Variants in GLIS3 observed in about 807,000 individuals in gnomAD.
GLIS3 encodes zinc finger protein GLIS3.
Under a neutral mutation model 78.6 loss-of-function variants are expected in GLIS3, and 53 were observed. The observed-to-expected ratio is 0.67, with a 90% CI of 0.54 to 0.85. The LOEUF (loss-of-function observed/expected upper bound fraction) is 0.85. Ranked by LOEUF, GLIS3 falls within the 40% of genes least tolerant of loss-of-function variation. The pLI is 0.00. For missense variants in GLIS3, 1,703 were observed against 1,231.1 expected (o/e 1.38, Z -5.74); for synonymous variants, 684 against 509.9 (o/e 1.34, Z -4.60).
intron 7 of GLIS3, among the ~76,000 whole-genome samples, chr9:3,884,374 G>C (rs1203734328): frequency 6.6e-6 from 1 of 152,196 alleles, no homozygotes; most frequent in African/African-American, 2.4e-5. Flanking sequence ...CAGAGGGAAA[G>C]GATGAAGACC....
At chr9:3,923,970 C>T (rs1168513974) in intron 6 of GLIS3, among the ~76,000 whole-genome samples, 2 of 152,208 alleles carry the variant, frequency 1.3e-5, no homozygotes. Context: ...ATACATTTTG[C>T]ATATAATTTC....
chr9:4,144,274 TG>T (rs1834038215), intron 2 of GLIS3, among the ~76,000 whole-genome samples: 1 of 152,198 alleles, frequency 6.6e-6, no homozygotes, highest in Non-Finnish European at 1.5e-5. Context: ...TCAACCGACT[TG>T]TTTTTTGACA....
At chr9:4,112,953 A>C (rs1448730946) in intron 4 of GLIS3, among the ~76,000 whole-genome samples, 2 of 152,046 alleles carry the variant, frequency 1.3e-5, no homozygotes, top group African/African-American at 4.8e-5. Flanking sequence ...TGTAACCACT[A>C]TCCTAAAATT....
chr9:3,835,271 A>T lies in GLIS3; in HGVS notation c.2474-5779T>A, dbSNP rs550240479. Among the ~76,000 whole-genome samples the T allele has an allele frequency of 1.8e-4, 27 of 152,326 alleles. No homozygotes were observed. The South Asian group carries it at 5.6e-3, about 32-fold the overall frequency. ...ACAGCCCCTTCCCTGCAGTAGGCTC[A>T]GACTGGACCATGATGACAACTCATA... On this transcript the variant is annotated intron_variant, in intron 9 of 10. Coordinates refer to ENST00000381971, the MANE Select transcript of GLIS3 (RefSeq NM_001042413.2).
chr9:4,219,259 G>T (rs732957), intron 2 of GLIS3, among the ~76,000 whole-genome samples: 11,218 of 152,134 alleles, frequency 0.074, 539 homozygotes, highest in East Asian at 0.22. Flanking sequence ...AAGTACATAG[G>T]CTAGAGACAC....
At chr9:3,990,716 T>C (rs1820163406) in intron 4 of GLIS3, among the ~76,000 whole-genome samples, 1 of 152,206 alleles carries the variant, frequency 6.6e-6, no homozygotes, top group Non-Finnish European at 1.5e-5. Flanking sequence ...AGGGTGTAAC[T>C]AACCTGAAAT....
At chr9:4,319,669 A>G (rs575914520) in intron 2 of GLIS3, among the ~76,000 whole-genome samples, 32 of 152,210 alleles carry the variant, frequency 2.1e-4, no homozygotes, top group Non-Finnish European at 3.7e-4. Flanking sequence ...AGCTAGGACT[A>G]TAGGTGTTTG....
intron 4 of GLIS3, among the ~76,000 whole-genome samples, chr9:3,950,726 C>A (rs982723121): frequency 1.3e-5 from 2 of 152,228 alleles, no homozygotes. Context: ...AGGACAGGAA[C>A]CAGGCTTGTC....
chr9:4,209,137 C>A (rs920345027), intron 2 of GLIS3, among the ~76,000 whole-genome samples: 2 of 152,114 alleles, frequency 1.3e-5, no homozygotes, highest in Admixed American at 1.3e-4. Context: ...TCAAAATGGA[C>A]GCTCATGCAC....
At chr9:4,162,165 T>G (rs1835531727) in intron 2 of GLIS3, among the ~76,000 whole-genome samples, 1 of 152,196 alleles carries the variant, frequency 6.6e-6, no homozygotes, top group South Asian at 2.1e-4. Context: ...GTGCTCTCCC[T>G]GTATGTCTTC....
chr9:4,271,901 C>T (rs141767676), intron 2 of GLIS3, among the ~76,000 whole-genome samples: 1 of 152,272 alleles, frequency 6.6e-6, no homozygotes, highest in African/African-American at 2.4e-5. Context: ...CACATATTGG[C>T]CATGTGACCG....
At chr9:4,099,509 A>C (rs1231084694) in intron 4 of GLIS3, among the ~76,000 whole-genome samples, 1 of 152,152 alleles carries the variant, frequency 6.6e-6, no homozygotes, top group East Asian at 1.9e-4. Flanking sequence ...CACCAGTTGC[A>C]CTGAACCAGG....
chr9:4,024,903 C>G (rs1408140991), intron 4 of GLIS3, among the ~76,000 whole-genome samples: 1 of 152,172 alleles, frequency 6.6e-6, no homozygotes. Flanking sequence ...GTAATCATGC[C>G]TGTCGTGTTC....
intron 2 of GLIS3, among the ~76,000 whole-genome samples, chr9:4,318,243 C>T (rs1282522299): frequency 3.3e-5 from 5 of 152,040 alleles, no homozygotes; most frequent in African/African-American, 4.8e-5. Context: ...GATGGGAATT[C>T]GAGGGGCCAG....
intron 4 of GLIS3, among the ~76,000 whole-genome samples, chr9:3,962,954 G>A (rs976904352): frequency 1.3e-5 from 2 of 151,074 alleles, no homozygotes; most frequent in Non-Finnish European, 2.9e-5. Flanking sequence ...TAAGGGGGGG[G>A]GGGGGAGAGA....
Position 4,165,740 on chromosome 9 carries a change from G to A in GLIS3, c.389-39799C>T, listed in dbSNP as rs563954866. On this transcript the variant is annotated intron_variant, in intron 2 of 10. Coordinates refer to ENST00000381971, the MANE Select transcript of GLIS3 (RefSeq NM_001042413.2). ...ATCCAGATAGAACTACAAATATACA[G>A]TTGGAAAGGAGAGCCTAGAAATGGG... Among the ~76,000 whole-genome samples the A allele has an allele frequency of 7.9e-5, 12 of 152,328 alleles. No individual in the cohort carries two copies. The South Asian group carries it at 2.3e-3, about 29-fold the overall frequency.
chr9:4,199,067 C>G (rs1249451764), intron 2 of GLIS3, among the ~76,000 whole-genome samples: 1 of 152,130 alleles, frequency 6.6e-6, no homozygotes, highest in East Asian at 1.9e-4. Flanking sequence ...AAGAGAGTTC[C>G]AAACATGGAA....
intron 2 of GLIS3, among the ~76,000 whole-genome samples, chr9:4,188,479 C>A (rs368476810): frequency 0.024 from 3,569 of 149,746 alleles, 46 homozygotes; most frequent in Non-Finnish European, 0.031. Flanking sequence ...TGTCTCTGCC[C>A]GGCTTTGGTA....
chr9:4,308,404 G>A (rs950214771), intron 4 of GLIS3, among the ~76,000 whole-genome samples: 2 of 152,112 alleles, frequency 1.3e-5, no homozygotes, highest in Non-Finnish European at 2.9e-5. Flanking sequence ...AGAGGAGAAG[G>A]AAGGAAGGGC....
Sources: allele counts gnomAD v4.1 joint callset (sites outside exome capture counted in the v4.1 genomes callset), GRCh38; gene constraint gnomAD v4.1.1; transcripts MANE v1.5; gene names NCBI Gene and HGNC (gene_info 2026-07-23, HGNC 2026-07-21).